The following SNX16 variants were observed in gnomAD, a reference collection of about 807,000 sequenced individuals.
SNX16 encodes sorting nexin-16.
A neutral mutation model predicts 36.7 loss-of-function variants in SNX16; 35 were observed. The ratio of observed to expected loss-of-function variants is 0.95; its 90% CI spans 0.73 to 1.27. The LOEUF is 1.27. Among genes scored for constraint, SNX16 ranks in the 50% most tolerant of loss-of-function variants. The probability of loss-of-function intolerance (pLI) is 0.00; values close to 1 mark genes in which losing one functional copy is unlikely to be tolerated. For synonymous variants in SNX16, 134 were observed against 132.0 expected, an observed-to-expected ratio of 1.02 and a Z score of -0.10; for missense variants, 367 against 393.6, an observed-to-expected ratio of 0.93 and a Z score of 0.57.
chr8:81,803,498 T>C (rs1376205096), intron 5 of SNX16, among the ~76,000 whole-genome samples: 2 of 151,962 alleles, frequency 1.3e-5, no homozygotes, highest in Non-Finnish European at 2.9e-5. Flanking sequence ...GAAGTGAGTA[T>C]GTGATATCCC....
At chr8:81,815,289 T>G in intron 5 of SNX16, 36 bp downstream of exon 5, 1 of 1,503,214 alleles carries the variant, frequency 6.7e-7, no homozygotes, top group Non-Finnish European at 9.2e-7. Flanking sequence ...GCATTAATTG[T>G]TCCTCTTTTC....
intron 2 of SNX16, among the ~76,000 whole-genome samples, chr8:81,834,375 CT>C (rs746582107): frequency 2.0e-5 from 3 of 152,158 alleles, no homozygotes; most frequent in African/African-American, 7.2e-5. Flanking sequence ...CATTCCACCC[CT>C]GGCCCCTCCC....
intron 3 of SNX16, among the ~76,000 whole-genome samples, chr8:81,829,142 G>T (rs1811138317): frequency 6.6e-6 from 1 of 152,014 alleles, no homozygotes; most frequent in Admixed American, 6.5e-5. Flanking sequence ...TGTTAAATAT[G>T]TTTTTGTTCA....
intron 2 of SNX16, among the ~76,000 whole-genome samples, chr8:81,833,193 C>T (rs1811345499): frequency 1.4e-5 from 2 of 147,442 alleles, no homozygotes; most frequent in African/African-American, 2.5e-5. Context: ...TAATGTGGCT[C>T]CTAAGAAATT....
intron 1 of SNX16, 132 bp downstream of exon 1, chr8:81,841,990 G>A (rs543731695): frequency 6.6e-6 from 1 of 152,086 alleles, no homozygotes; most frequent in East Asian, 2.0e-4. Context: ...AAGGTGGCTG[G>A]GCTTCCTGCG....
chr8:81,808,387 G>T, intron 5 of SNX16: 1 of 1,275,862 alleles, frequency 7.8e-7, no homozygotes, highest in Non-Finnish European at 1.1e-6. Context: ...GGTGGTGGTT[G>T]TGGAGGTGTT....
rs1174536365 is a variant in SNX16, at chr8:81,808,409, T to C, written c.682-5181A>G. 2.4e-5 allele frequency: 30 copies of C among 1,229,160 alleles called. No individual in the cohort carries two copies. In the Admixed American group the frequency reaches 3.2e-4, roughly 13 times the overall value. The allele number at this position is 1,229,160 out of a possible 1,614,324, so 76.1% of individuals were successfully genotyped here. ...GTTGTGGAGGTGTTTTCGGTGGGAA[T>C]GACAACTTTGGTTGTGGAGGAAACT... On this transcript the variant is annotated intron_variant, in intron 5 of 7. Transcript: ENST00000345957.
At chr8:81,806,725 A>G (rs1563431425) in intron 5 of SNX16, among the ~76,000 whole-genome samples, 1 of 152,208 alleles carries the variant, frequency 6.6e-6, no homozygotes, top group Non-Finnish European at 1.5e-5. Context: ...TATTAGGAAA[A>G]AACACATTGT....
intron 4 of SNX16, among the ~76,000 whole-genome samples, chr8:81,820,934 A>G (rs1189775211): frequency 1.3e-5 from 2 of 151,396 alleles, no homozygotes; most frequent in African/African-American, 4.9e-5. Flanking sequence ...ATTTTAAGCA[A>G]TATGTTATTA....
intron 4 of SNX16, among the ~76,000 whole-genome samples, chr8:81,822,671 TCA>T (rs1279666673): frequency 1.3e-5 from 2 of 151,936 alleles, no homozygotes; most frequent in Non-Finnish European, 2.9e-5. Context: ...TAAAGATGAC[TCA>T]CAGGTTCTGG....
Position 81,802,560 on chromosome 8 carries a change from T to TTTC in SNX16, c.819-62_819-61insGAA, listed in dbSNP as rs1453558496. The TTTC allele has an allele frequency of 4.1e-5, 60 of 1,450,184 alleles. 2 individuals are homozygous for TTTC. Among genetic ancestry groups the TTTC allele is most frequent in the Non-Finnish European group, 5.4e-5 (57 of 1,057,886 alleles). The allele number at this position is 1,450,184 out of a possible 1,614,324, so 89.8% of individuals were successfully genotyped here. Reference sequence around the variant, plus strand: ...GAACAAAACAGGCATATGTTTAATGTTGTGAATACAGGTAGCTATAGCAGT... The same window carrying TTTC: ...GAACAAAACAGGCATATGTTTAATGTTTCTGTGAATACAGGTAGCTATAGCAGT... On this transcript the variant is annotated intron_variant, in intron 6 of 7. Coordinates refer to ENST00000345957, the MANE Select transcript of SNX16 (RefSeq NM_152836.3).
intron 1 of SNX16, among the ~76,000 whole-genome samples, chr8:81,841,201 C>T (rs1021793093): frequency 6.6e-6 from 1 of 152,032 alleles, no homozygotes; most frequent in African/African-American, 2.4e-5. Context: ...ATTAGCCGGG[C>T]ATGGTGGCGC....
chr8:81,841,255 C>A (rs540793082), intron 1 of SNX16, among the ~76,000 whole-genome samples: 18 of 151,138 alleles, frequency 1.2e-4, no homozygotes, highest in Admixed American at 1.1e-3. Flanking sequence ...GCAGGAGAAT[C>A]GCTTGAACCC....
intron 5 of SNX16, among the ~76,000 whole-genome samples, chr8:81,810,839 G>A (rs534510756): frequency 1.3e-5 from 2 of 152,026 alleles, no homozygotes; most frequent in South Asian, 2.1e-4. Flanking sequence ...CTCTAGCCTC[G>A]GCCACCAAAA....
rs376185323 is a variant in SNX16 at position 81,836,280 on chromosome 8, T to A, written c.375+3332A>T. Among the ~76,000 whole-genome samples the A allele has an allele frequency of 2.2e-4, 33 of 152,298 alleles. No individual in the cohort carries two copies. In the South Asian group the frequency reaches 6.6e-3, roughly 31 times the overall value. ...ATACTTTTTTCAGTTATGAGAGCAATTCAAAAGAATATATCTAGAAAAAAT... is the reference window on the plus strand; with the variant it reads ...ATACTTTTTTCAGTTATGAGAGCAAATCAAAAGAATATATCTAGAAAAAAT... On this transcript the variant is annotated intron_variant, in intron 2 of 7. Transcript: ENST00000345957.
intron 2 of SNX16, among the ~76,000 whole-genome samples, chr8:81,832,297 G>A (rs928512377): frequency 1.3e-5 from 2 of 152,208 alleles, no homozygotes; most frequent in African/African-American, 4.8e-5. Context: ...ATTATCCTAA[G>A]TGAATTAATG....
At chr8:81,833,924 A>G (rs1452219325) in intron 2 of SNX16, among the ~76,000 whole-genome samples, 1 of 152,038 alleles carries the variant, frequency 6.6e-6, no homozygotes, top group Non-Finnish European at 1.5e-5. Context: ...TTTTATTTTA[A>G]TGTAGTTGTT....
intron 7 of SNX16, 134 bp downstream of exon 7, chr8:81,802,246 A>G (rs563773143): frequency 3.6e-6 from 2 of 553,762 alleles, no homozygotes; most frequent in Middle Eastern, 4.9e-4. Context: ...AATATTTCCA[A>G]TTCATTCTCT....
chr8:81,841,249 G>A (rs1280938891), intron 1 of SNX16, among the ~76,000 whole-genome samples: 3 of 151,350 alleles, frequency 2.0e-5, no homozygotes, highest in Admixed American at 2.0e-4. Flanking sequence ...GCTGAGGCAG[G>A]AGAATCGCTT....
Sources: gnomAD v4.1 joint callset for allele counts (sites outside exome capture counted in the v4.1 genomes callset) on GRCh38, gnomAD v4.1.1 for gene constraint, MANE v1.5 for transcripts, NCBI Gene and HGNC (gene_info 2026-07-23, HGNC 2026-07-21) for gene names.